Variants in DLG1 observed in about 807,000 individuals in gnomAD.
The protein encoded by DLG1 is disks large homolog 1.
Under a neutral mutation model 123.4 loss-of-function variants are expected in DLG1, and 42 were observed. The ratio of observed to expected loss-of-function variants is 0.34; its 90% CI spans 0.27 to 0.44. The LOEUF (loss-of-function observed/expected upper bound fraction) is 0.44, where lower values mean the gene tolerates loss of function less well. Ranked by LOEUF, DLG1 falls within the 20% of genes least tolerant of loss-of-function variation. DLG1 has a pLI of 1.00. For synonymous variants in DLG1, 317 were observed against 356.2 expected, an observed-to-expected ratio of 0.89 and a Z score of 1.24; for missense variants, 942 against 1,082.6, an observed-to-expected ratio of 0.87 and a Z score of 1.82.
chr3:197,187,069 A>G lies in DLG1; in HGVS notation c.483+7356T>C, dbSNP rs533426681. On this transcript the variant is annotated intron_variant, in intron 5 of 24. Transcript: ENST00000667157. The stretch of plus-strand genomic sequence containing the variant: ...TTTCAAAACATACAACTGTATTGAG[A>G]TAAGACAAGACTGAGAAGAGTGACA... 1.0e-3 allele frequency among the ~76,000 whole-genome samples: 157 copies of G among 152,350 alleles called. 1 individual carries two copies. The South Asian group carries it at 0.023, about 23-fold the overall frequency.
intron 12 of DLG1, among the ~76,000 whole-genome samples, chr3:197,117,547 C>A (rs1773982659): frequency 6.6e-6 from 1 of 152,056 alleles, no homozygotes; most frequent in African/African-American, 2.4e-5. Flanking sequence ...TGTATCTTGA[C>A]AACATAAGTG....
chr3:197,288,142 G>GCCTACTC (rs1365199304), intron 3 of DLG1, among the ~76,000 whole-genome samples: 13 of 152,020 alleles, frequency 8.6e-5, no homozygotes, highest in Non-Finnish European at 1.2e-4. Flanking sequence ...GAAGCAGGCA[G>GCCTACTC]ATCAGGAGGT....
At position 197,161,879 on chromosome 3, in the gene DLG1, T is replaced by C. The variant is rs116168668; in HGVS notation, c.484-12083A>G. ...GAAAAACATTAATACATTACACTAA[T>C]ATAAATGAGAAAATATTCTCTAGAA... On this transcript the variant is annotated intron_variant, in intron 5 of 24. Coordinates refer to ENST00000667157, the MANE Select transcript of DLG1 (RefSeq NM_001366207.1). 5.1e-4 allele frequency: 275 copies of C among 539,830 alleles called. No individual in the cohort carries two copies. The African/African-American group carries it at 5.2e-3, about 10-fold the overall frequency. The allele number at this position is 539,830 out of a possible 1,614,324, so 33.4% of individuals were successfully genotyped here.
rs751211709 is a variant in DLG1 at position 197,120,493 on chromosome 3, G to A, written c.1166-963C>T. Among the ~76,000 whole-genome samples the A allele has an allele frequency of 9.1e-4, 139 of 152,240 alleles. 3 individuals are homozygous for A. Among genetic ancestry groups the A allele is most frequent in the Non-Finnish European group, 3.8e-4 (26 of 68,012 alleles). ...CAATCATTACCAAAACACAGAGGAA[G>A]CAATATTTAACTTTCTTGAGGCTTC... On this transcript the variant is annotated intron_variant, in intron 11 of 24. Coordinates refer to ENST00000667157, the MANE Select transcript of DLG1 (RefSeq NM_001366207.1).
At chr3:197,252,775 T>C (rs865796041) in intron 4 of DLG1, among the ~76,000 whole-genome samples, 9 of 152,348 alleles carry the variant, frequency 5.9e-5, no homozygotes, top group Admixed American at 2.6e-4. Flanking sequence ...ACAGAGTCTA[T>C]AGATGAATAG....
At chr3:197,169,993 T>C (rs1803348286) in intron 5 of DLG1, among the ~76,000 whole-genome samples, 2 of 152,216 alleles carry the variant, frequency 1.3e-5, no homozygotes, top group African/African-American at 4.8e-5. Flanking sequence ...CTCCCACTTA[T>C]AAGCGAGAAC....
intron 11 of DLG1, among the ~76,000 whole-genome samples, chr3:197,127,150 C>T (rs908099290): frequency 2.6e-5 from 4 of 151,708 alleles, no homozygotes; most frequent in African/African-American, 7.3e-5. Context: ...TGGCCAGGTG[C>T]GGTGGCTCAC....
chr3:197,162,274 A>T (rs1475500102), intron 5 of DLG1, among the ~76,000 whole-genome samples: 3 of 150,586 alleles, frequency 2.0e-5, no homozygotes, highest in African/African-American at 7.3e-5. Flanking sequence ...TGCCAGACAT[A>T]TCTGGCAAAA....
intron 10 of DLG1, among the ~76,000 whole-genome samples, chr3:197,131,681 C>T: frequency 6.9e-6 from 1 of 145,958 alleles, no homozygotes. Flanking sequence ...GCAAGCTCCG[C>T]CTCCCGGGTT....
In DLG1 at chr3:197,176,942, CA is replaced by C. The variant is rs1289542588; in HGVS notation, c.483+17482del. Among the ~76,000 whole-genome samples, 8 of 151,808 alleles carry C rather than the reference CA, an allele frequency of 5.3e-5. No homozygotes were observed. The South Asian group carries it at 8.3e-4, about 16-fold the overall frequency. ...TGCTTTTCTAGAGTGTCCTATTGAA[CA>C]AATGATATAAATTTTATTTTTATTT... On this transcript the variant is annotated intron_variant, in intron 5 of 24. Transcript: ENST00000667157.
intron 4 of DLG1, among the ~76,000 whole-genome samples, chr3:197,278,282 C>CAAAAAAAAAAA (rs71164203): frequency 2.7e-5 from 1 of 37,494 alleles, no homozygotes; most frequent in African/African-American, 1.2e-4. Context: ...GACTCTGTCC[C>CAAAAAAAAAAA]AAAAAAAAAA....
At chr3:197,179,582 T>A (rs182748827) in intron 5 of DLG1, among the ~76,000 whole-genome samples, 2 of 152,326 alleles carry the variant, frequency 1.3e-5, no homozygotes. Context: ...TTTGTTCATA[T>A]ACTATTAGAG....
At chr3:197,115,354 T>C (rs1033799087) in intron 13 of DLG1, among the ~76,000 whole-genome samples, 32 of 150,216 alleles carry the variant, frequency 2.1e-4, no homozygotes, top group Non-Finnish European at 3.8e-4. Flanking sequence ...GGAGAAAAGA[T>C]GACACAAATA....
intron 24 of DLG1, among the ~76,000 whole-genome samples, chr3:197,046,357 AC>A (rs1285653428): frequency 1.3e-5 from 2 of 152,100 alleles, no homozygotes; most frequent in Non-Finnish European, 2.9e-5. Context: ...TGGTTAGTAA[AC>A]CAGGGAAACT....
intron 4 of DLG1, among the ~76,000 whole-genome samples, chr3:197,251,973 T>C (rs1303874897): frequency 6.6e-6 from 1 of 152,236 alleles, no homozygotes; most frequent in East Asian, 1.9e-4. Context: ...TGATAATTTT[T>C]ATGAAACAGT....
At chr3:197,094,061 A>G (rs1759287409) in intron 14 of DLG1, among the ~76,000 whole-genome samples, 1 of 152,158 alleles carries the variant, frequency 6.6e-6, no homozygotes, top group African/African-American at 2.4e-5. Flanking sequence ...AAACCACCAT[A>G]CTGCAGAGGT....
intron 4 of DLG1, among the ~76,000 whole-genome samples, chr3:197,251,465 A>G (rs563966811): frequency 1.4e-4 from 22 of 152,300 alleles, no homozygotes; most frequent in Admixed American, 1.2e-3. Flanking sequence ...AAGAAAAAAG[A>G]ATCCAGGTAT....
At chr3:197,097,171 T>C (rs1761048949) in intron 14 of DLG1, among the ~76,000 whole-genome samples, 1 of 152,212 alleles carries the variant, frequency 6.6e-6, no homozygotes, top group Non-Finnish European at 1.5e-5. Flanking sequence ...GGGCTTTAAA[T>C]GGAAAGGGAA....
In DLG1 at chr3:197,123,333, C is replaced by G. The variant is rs188809432; in HGVS notation, c.1166-3803G>C. ...CCATTGTTTTGAGGGAAAACATAAA[C>G]TCAGTGAAGACATCTGCAACAGATG... is the stretch of plus-strand genomic sequence containing the variant. On this transcript the variant is annotated intron_variant, in intron 11 of 24. Transcript: ENST00000667157. 2.6e-5 allele frequency among the ~76,000 whole-genome samples: 4 copies of G among 152,230 alleles called. No individual in the cohort carries two copies. The East Asian group carries it at 7.7e-4, about 29-fold the overall frequency.
Sources: allele counts gnomAD v4.1 joint callset (sites outside exome capture counted in the v4.1 genomes callset), GRCh38; gene constraint gnomAD v4.1.1; transcripts MANE v1.5; gene names NCBI Gene and HGNC (gene_info 2026-07-23, HGNC 2026-07-21).